The following MERTK variants were observed in gnomAD, a reference collection of about 807,000 sequenced individuals.
MERTK encodes MER proto-oncogene, tyrosine kinase, also known as tyrosine-protein kinase Mer.
Under a neutral mutation model 99.3 loss-of-function variants are expected in MERTK, and 69 were observed. The observed-to-expected ratio is 0.70, with a 90% CI of 0.57 to 0.85. The LOEUF (loss-of-function observed/expected upper bound fraction) is 0.85. Ranked by LOEUF, MERTK falls within the 40% of genes least tolerant of loss-of-function variation. MERTK has a pLI of 0.00. For synonymous variants in MERTK, 426 were observed against 467.6 expected, an observed-to-expected ratio of 0.91 and a Z score of 1.15; for missense variants, 1,125 against 1,249.4, an observed-to-expected ratio of 0.90 and a Z score of 1.50.
rs780341439 is a variant in MERTK, at chr2:111,944,967, A to G, written c.490A>G (p.Ser164Gly). The G allele has an allele frequency of 5.6e-6, 9 of 1,613,058 alleles. No individual in the cohort carries two copies. Among genetic ancestry groups the G allele is most frequent in the Middle Eastern group, 1.6e-4 (1 of 6,062 alleles). The change falls in exon 3 of 19, where the codon AGT becomes GGT. Residue 164 changes from serine to glycine, a missense_variant. By Grantham distance (56) the Ser-to-Gly change is moderately conservative (BLOSUM62 0). Coordinates refer to ENST00000295408, the MANE Select transcript of MERTK (RefSeq NM_006343.3). The stretch of plus-strand genomic sequence containing the variant: ...ATGTGTTTTTCTTTGCAGCATAACC[A>G]GTGTGCAGCGTTCAGACAATGGGTC... ...TAIIASFSIT[S>G]VQRSDNGSYI...
At chr2:111,979,123 C>T (rs1294691458) in intron 7 of MERTK, among the ~76,000 whole-genome samples, 2 of 152,108 alleles carry the variant, frequency 1.3e-5, no homozygotes, top group Non-Finnish European at 2.9e-5. Context: ...ATTCTGGTGC[C>T]TTCTCCTGGG....
chr2:111,935,491 A>G (rs2104693005), intron 2 of MERTK, among the ~76,000 whole-genome samples: 1 of 152,284 alleles, frequency 6.6e-6, no homozygotes, highest in East Asian at 1.9e-4. Flanking sequence ...AATCTCAGTT[A>G]ATTGAAACTT....
chr2:112,007,259 A>AT (rs1470902387), intron 13 of MERTK, among the ~76,000 whole-genome samples: 1 of 152,148 alleles, frequency 6.6e-6, no homozygotes, highest in Non-Finnish European at 1.5e-5. Flanking sequence ...GATTCAGGCC[A>AT]TTCTCTTGCC....
At chr2:111,994,725 G>T in intron 9 of MERTK, 1 of 382,732 alleles carries the variant, frequency 2.6e-6, no homozygotes, top group Non-Finnish European at 5.1e-6. Flanking sequence ...ATTGCAGTGA[G>T]TTATGATCAC....
intron 1 of MERTK, among the ~76,000 whole-genome samples, chr2:111,916,225 C>T (rs941597325): frequency 7.2e-5 from 11 of 152,284 alleles, no homozygotes; most frequent in African/African-American, 2.6e-4. Flanking sequence ...CTCCCGGGTT[C>T]AAGCAATTCC....
At chr2:111,926,295 G>A (rs531281870) in intron 1 of MERTK, among the ~76,000 whole-genome samples, 2 of 152,166 alleles carry the variant, frequency 1.3e-5, no homozygotes, top group Middle Eastern at 6.8e-3. Flanking sequence ...CTAAGAAAGG[G>A]ACCTATATTT....
intron 1 of MERTK, among the ~76,000 whole-genome samples, chr2:111,908,780 C>T (rs901180211): frequency 6.6e-5 from 10 of 152,132 alleles, no homozygotes; most frequent in African/African-American, 2.4e-4. Flanking sequence ...GCTTTTAGAA[C>T]ACATTGTTCC....
At chr2:111,957,607 C>T (rs1685174034) in intron 4 of MERTK, among the ~76,000 whole-genome samples, 1 of 152,162 alleles carries the variant, frequency 6.6e-6, no homozygotes, top group Non-Finnish European at 1.5e-5. Context: ...TTGCCCATTT[C>T]TCCCCCTGAA....
intron 15 of MERTK, among the ~76,000 whole-genome samples, chr2:112,014,210 A>C (rs1383255597): frequency 6.6e-6 from 1 of 151,774 alleles, no homozygotes; most frequent in African/African-American, 2.4e-5. Context: ...TTTAGTAGAG[A>C]CGGGGTTTCA....
intron 3 of MERTK, 63 bp from the exon 4 acceptor site, chr2:111,947,331 C>A: frequency 6.3e-7 from 1 of 1,578,720 alleles, no homozygotes. Context: ...TTTCCATTCC[C>A]CTTTGGGCTC....
intron 1 of MERTK, among the ~76,000 whole-genome samples, chr2:111,912,003 T>A (rs1684259269): frequency 6.6e-6 from 1 of 151,056 alleles, no homozygotes; most frequent in African/African-American, 2.4e-5. Flanking sequence ...ATCGCTTTAT[T>A]TATTTATTTA....
intron 1 of MERTK, among the ~76,000 whole-genome samples, chr2:111,925,292 A>ATATATATATATATATAT (rs372747015): frequency 4.1e-5 from 1 of 24,496 alleles, no homozygotes; most frequent in Non-Finnish European, 7.3e-5. Context: ...ATATATATAT[A>ATATATATATATATATAT]TTTTTTTTTT....
At chr2:111,986,561 G>A (rs1335422539) in intron 8 of MERTK, among the ~76,000 whole-genome samples, 6 of 152,198 alleles carry the variant, frequency 3.9e-5, no homozygotes, top group Non-Finnish European at 5.9e-5. Context: ...CTCTTGAGCC[G>A]AGGCGTTCTG....
intron 1 of MERTK, among the ~76,000 whole-genome samples, chr2:111,903,464 C>G (rs1008541088): frequency 3.9e-5 from 6 of 152,106 alleles, no homozygotes; most frequent in African/African-American, 1.4e-4. Context: ...CCTAACTATT[C>G]CAACTAGAAA....
In MERTK at chr2:111,910,591, A is replaced by AGTGTGTGTGT. The variant is rs139430156; in HGVS notation, c.61+11806_61+11815dup. On this transcript the variant is annotated intron_variant, in intron 1 of 18. Coordinates refer to ENST00000295408, the MANE Select transcript of MERTK (RefSeq NM_006343.3). ...GGCTGACCCTGTAACTTAAAAAAAA[A>AGTGTGTGTGT]GTGTGTGTGTGTGTGTGTGTATATA... 8.2e-3 allele frequency among the ~76,000 whole-genome samples: 1,160 copies of AGTGTGTGTGT among 141,198 alleles called. 31 individuals carry two copies. Among genetic ancestry groups the AGTGTGTGTGT allele is most frequent in the Admixed American group, 0.053 (736 of 13,888 alleles). The allele number at this position is 141,198 out of a possible 152,430, so 92.6% of individuals were successfully genotyped here.
At position 112,028,333 on chromosome 2, in the gene MERTK, C is replaced by T. The variant is rs776093103; in HGVS notation, c.2487-18C>T. 21 of 1,613,576 alleles carry T rather than the reference C, an allele frequency of 1.3e-5. 1 individual carries two copies. The South Asian group carries it at 2.2e-4, about 17-fold the overall frequency. ...GGGTGCCATGCTGGGAGACAATCCA[C>T]TTCTTTTTAACTTTCAGGTATGAAA... On this transcript the variant is annotated intron_variant, in intron 18 of 18. Transcript: ENST00000295408.
Position 112,008,441 on chromosome 2 carries a change from A to G in MERTK, c.1926A>G (p.Lys642=), listed in dbSNP as rs1278402420. 6.2e-7 allele frequency: 1 copy of G among 1,614,058 alleles called. No individual in the cohort carries two copies. The highest frequency in any genetic ancestry group is 2.2e-5 in the East Asian group (1 of 44,894). Reference sequence around the variant, plus strand: ...TTCTCAGTGAGGCAGCGTGCATGAAAGACTTCAGCCACCCAAATGTCATTC... The same window carrying G: ...TTCTCAGTGAGGCAGCGTGCATGAAGGACTTCAGCCACCCAAATGTCATTC... ...EEFLSEAACM[K]DFSHPNVIRL... The change falls in exon 14 of 19, where the codon AAA becomes AAG. Residue 642 remains lysine (K), a synonymous_variant. Transcript: ENST00000295408.
chr2:111,993,317 T>A (rs1676669698), intron 8 of MERTK, among the ~76,000 whole-genome samples: 1 of 152,138 alleles, frequency 6.6e-6, no homozygotes, highest in Non-Finnish European at 1.5e-5. Context: ...TCCTTCACCA[T>A]TGCTAGGAAA....
chr2:112,026,597 C>T (rs1377989512), intron 18 of MERTK, among the ~76,000 whole-genome samples: 1 of 152,180 alleles, frequency 6.6e-6, no homozygotes, highest in Non-Finnish European at 1.5e-5. Context: ...AACAGAACCC[C>T]TAAGCCTGAG....
Sources: gnomAD v4.1 joint callset for allele counts (sites outside exome capture counted in the v4.1 genomes callset) on GRCh38, gnomAD v4.1.1 for gene constraint, MANE v1.5 for transcripts, NCBI Gene and HGNC (gene_info 2026-07-23, HGNC 2026-07-21) for gene names.